Variants in RBPJ observed in about 807,000 individuals in gnomAD.
The protein encoded by RBPJ is recombination signal binding protein for immunoglobulin kappa J region.
A neutral mutation model predicts 67.8 loss-of-function variants in RBPJ; 9 were observed. The ratio of observed to expected loss-of-function variants is 0.13; its 90% confidence interval spans 0.08 to 0.23. RBPJ has a LOEUF of 0.23. RBPJ is among the 10% of genes least tolerant of loss of function. The pLI is 1.00. For missense variants in RBPJ, 305 were observed against 595.6 expected, an observed-to-expected ratio of 0.51 and a Z score of 5.08; for synonymous variants, 198 against 203.3, an observed-to-expected ratio of 0.97 and a Z score of 0.22.
At chr4:26,393,182 G>A (rs1162557678) in intron 2 of RBPJ, among the ~76,000 whole-genome samples, 1 of 152,090 alleles carries the variant, frequency 6.6e-6, no homozygotes, top group Non-Finnish European at 1.5e-5. Flanking sequence ...ATCTCTGAAA[G>A]AGAGCAAACT....
intron 1 of RBPJ, among the ~76,000 whole-genome samples, chr4:26,382,785 C>A (rs893463726): frequency 6.6e-6 from 1 of 152,216 alleles, no homozygotes; most frequent in Non-Finnish European, 1.5e-5. Context: ...ACGCAGTCCA[C>A]CCACCTTGGC....
intron 1 of RBPJ, among the ~76,000 whole-genome samples, chr4:26,327,622 T>A (rs1723775824): frequency 6.7e-6 from 1 of 148,416 alleles, no homozygotes; most frequent in Non-Finnish European, 1.5e-5. Context: ...GTTAATGAGA[T>A]GATAATCAGA....
At chr4:26,108,669 T>A in the RBPJ span, among the ~76,000 whole-genome samples, 1 of 152,186 alleles carries the variant, frequency 6.6e-6, no homozygotes, top group Non-Finnish European at 1.5e-5. Flanking sequence ...AACAGTGACT[T>A]AAATATCAAG....
rs1733401544 is a variant in RBPJ, at chr4:26,406,280, T to C, written c.155+10T>C. ...ATGGAAATGAAAAAAGGTAAGATTATTTTTCTGGTGGATAGTTAATTGTAG... is the reference window on the plus strand; with the variant it reads ...ATGGAAATGAAAAAAGGTAAGATTACTTTTCTGGTGGATAGTTAATTGTAG... On this transcript the variant is annotated intron_variant, in intron 3 of 10. Coordinates refer to ENST00000355476, the MANE Select transcript of RBPJ (RefSeq NM_015874.6). 6.5e-7 allele frequency: 1 copy of C among 1,544,372 alleles called. No homozygotes were observed. Among genetic ancestry groups the C allele is most frequent in the African/African-American group, 1.4e-5 (1 of 73,556 alleles).
rs79655622 is a variant in RBPJ, at chr4:26,400,986, C to T, written c.60-5189C>T. On this transcript the variant is annotated intron_variant, in intron 2 of 10. Transcript: ENST00000355476. ...TTGCACATTGGGTAACATGCCTGAT[C>T]ATTCATTCCTAGGTCATTTTCAAGT... is the stretch of plus-strand genomic sequence containing the variant. 4.6e-3 allele frequency among the ~76,000 whole-genome samples: 701 copies of T among 152,348 alleles called. 4 individuals are homozygous for T. The highest frequency in any genetic ancestry group is 5.7e-3 in the Non-Finnish European group (390 of 68,040).
intron 2 of RBPJ, among the ~76,000 whole-genome samples, chr4:26,403,392 A>G (rs1268482633): frequency 6.6e-6 from 1 of 152,140 alleles, no homozygotes; most frequent in East Asian, 1.9e-4. Context: ...TTTTTTTTAA[A>G]AACTTTTATT....
In RBPJ at chr4:26,247,706, A is replaced by G. The variant is rs191773109; in HGVS notation, c.-167+84092A>G. On this transcript the variant is annotated intron_variant, in intron 1 of 4. Coordinates refer to the RBPJ transcript ENST00000512351. ...ATTACAGGCATGAGCCACCGTACCC[A>G]GCCTTCATAATACTATTTTTAAAGA... is the stretch of plus-strand genomic sequence containing the variant. Among the ~76,000 whole-genome samples, 869 of 152,290 alleles carry G rather than the reference A, an allele frequency of 5.7e-3. 5 individuals carry two copies. The highest frequency in any genetic ancestry group is 9.8e-3 in the Non-Finnish European group (664 of 68,022).
chr4:26,285,678 TAAAAA>T (rs545484809), intron 1 of RBPJ, among the ~76,000 whole-genome samples: 10 of 96,268 alleles, frequency 1.0e-4, no homozygotes, highest in South Asian at 7.3e-4. Flanking sequence ...ACTGATACGT[TAAAAA>T]AAAAAAAAAA....
At chr4:26,355,196 G>A (rs999177767) in intron 1 of RBPJ, among the ~76,000 whole-genome samples, 7 of 152,014 alleles carry the variant, frequency 4.6e-5, no homozygotes, top group Non-Finnish European at 1.5e-5. Context: ...CCCAGGAGCT[G>A]GGACTATAGG....
intron 1 of RBPJ, among the ~76,000 whole-genome samples, chr4:26,220,985 G>A (rs1263737934): frequency 1.3e-5 from 2 of 152,172 alleles, no homozygotes; most frequent in African/African-American, 4.8e-5. Flanking sequence ...GAATATGTTT[G>A]CCCTGATTCT....
At chr4:26,122,629 G>C in the RBPJ span, among the ~76,000 whole-genome samples, 1 of 152,078 alleles carries the variant, frequency 6.6e-6, no homozygotes, top group Non-Finnish European at 1.5e-5. Flanking sequence ...ACATTTATTG[G>C]AATAAAGTTG....
intron 1 of RBPJ, among the ~76,000 whole-genome samples, chr4:26,333,814 C>T (rs1406483710): frequency 6.6e-6 from 1 of 152,088 alleles, no homozygotes; most frequent in African/African-American, 2.4e-5. Flanking sequence ...CTCAGCCTGC[C>T]AAGTAGCTGG....
At chr4:26,396,187 T>C (rs567610761) in intron 2 of RBPJ, among the ~76,000 whole-genome samples, 1 of 152,338 alleles carries the variant, frequency 6.6e-6, no homozygotes, top group African/African-American at 2.4e-5. Flanking sequence ...AAATTGATAG[T>C]CAAATTAAAG....
chr4:26,237,242 T>C (rs1719481268), intron 1 of RBPJ, among the ~76,000 whole-genome samples: 1 of 152,148 alleles, frequency 6.6e-6, no homozygotes, highest in Non-Finnish European at 1.5e-5. Context: ...AATTTCTCTA[T>C]CTGTATTCTT....
chr4:26,261,718 A>T (rs1720544091), intron 1 of RBPJ, among the ~76,000 whole-genome samples: 1 of 152,208 alleles, frequency 6.6e-6, no homozygotes, highest in Admixed American at 6.5e-5. Flanking sequence ...TCTAAGAGTG[A>T]TGTAAGACAG....
At chr4:26,403,674 C>T (rs550715071) in intron 2 of RBPJ, among the ~76,000 whole-genome samples, 37 of 152,262 alleles carry the variant, frequency 2.4e-4, no homozygotes, top group African/African-American at 8.9e-4. Flanking sequence ...CTAAGGAAGA[C>T]AGCCCCCAGC....
At chr4:26,357,551 T>A (rs1344007155) in intron 1 of RBPJ, among the ~76,000 whole-genome samples, 3 of 152,216 alleles carry the variant, frequency 2.0e-5, no homozygotes, top group Non-Finnish European at 2.9e-5. Context: ...TCAGGTGTGT[T>A]CAGTTTATTT....
At chr4:26,389,602 A>G (rs1305034871) in intron 2 of RBPJ, among the ~76,000 whole-genome samples, 1 of 150,508 alleles carries the variant, frequency 6.6e-6, no homozygotes, top group Admixed American at 6.7e-5. Context: ...CAAATTACCA[A>G]TATCAAGAAC....
chr4:26,266,107 ATCTTTC>A (rs567610734), intron 1 of RBPJ, among the ~76,000 whole-genome samples: 24 of 151,942 alleles, frequency 1.6e-4, no homozygotes, highest in African/African-American at 5.8e-4. Flanking sequence ...ACTTTGGGGT[ATCTTTC>A]TCTGTGCCCC....
Sources: gnomAD v4.1 joint callset for allele counts (sites outside exome capture counted in the v4.1 genomes callset) on GRCh38, gnomAD v4.1.1 for gene constraint, MANE v1.5 for transcripts, NCBI Gene and HGNC (gene_info 2026-07-23, HGNC 2026-07-21) for gene names.